Variants in TTC28 observed in about 807,000 individuals in gnomAD.
TTC28 encodes tetratricopeptide repeat protein 28.
In TTC28, 61 loss-of-function variants were observed where a neutral mutation model predicts 198.0. The ratio of observed to expected loss-of-function variants is 0.31; its 90% confidence interval spans 0.25 to 0.38. The LOEUF (loss-of-function observed/expected upper bound fraction) is 0.38, where lower values mean the gene tolerates loss of function less well. TTC28 is among the 10% of genes least tolerant of loss of function. The probability of loss-of-function intolerance (pLI) is 1.00; values close to 1 mark genes in which losing one functional copy is unlikely to be tolerated. For synonymous variants in TTC28, 1,171 were observed against 1,297.8 expected (o/e 0.90, Z 2.10); for missense variants, 2,678 against 3,164.0 (o/e 0.85, Z 3.69).
intron 2 of TTC28, among the ~76,000 whole-genome samples, chr22:28,453,088 TCCAGGTA>T (rs2047809694): frequency 6.6e-6 from 1 of 152,220 alleles, no homozygotes; most frequent in Admixed American, 6.5e-5. Context: ...ATGGATGAGA[TCCAGGTA>T]CCTGTTTTCC....
intron 2 of TTC28, among the ~76,000 whole-genome samples, chr22:28,565,917 A>C (rs2049959827): frequency 6.6e-6 from 1 of 152,234 alleles, no homozygotes; most frequent in South Asian, 2.1e-4. Context: ...GGAAAGTGGA[A>C]AGCTTACTCC....
chr22:28,478,171 C>G (rs1345955586), intron 2 of TTC28, among the ~76,000 whole-genome samples: 1 of 152,100 alleles, frequency 6.6e-6, no homozygotes, highest in African/African-American at 2.4e-5. Flanking sequence ...ATTAAAGAAC[C>G]ATTGTTGATT....
chr22:28,579,156 A>G (rs2050194686), intron 2 of TTC28, among the ~76,000 whole-genome samples: 2 of 137,142 alleles, frequency 1.5e-5, no homozygotes, highest in Non-Finnish European at 3.2e-5. Context: ...ATAGCTATAC[A>G]TACATACAGC....
chr22:28,350,499 A>AT (rs2045975433), intron 2 of TTC28, among the ~76,000 whole-genome samples: 2 of 152,238 alleles, frequency 1.3e-5, no homozygotes, highest in South Asian at 4.1e-4. Context: ...TTGATGGAAT[A>AT]TTTTTTGAGG....
chr22:28,001,721 G>C (rs7286215), intron 14 of TTC28, 168 bp from the exon 15 acceptor site: 1 of 709,728 alleles, frequency 1.4e-6, no homozygotes, highest in East Asian at 2.7e-5. Flanking sequence ...CTGCAGGAGC[G>C]GCACCAACTG....
chr22:27,992,199 T>G (rs1937439113), intron 19 of TTC28, among the ~76,000 whole-genome samples: 1 of 152,130 alleles, frequency 6.6e-6, no homozygotes, highest in African/African-American at 2.4e-5. Context: ...TCAGCACATA[T>G]GAGAACACTA....
intron 2 of TTC28, among the ~76,000 whole-genome samples, chr22:28,521,498 A>G (rs2048908464): frequency 6.6e-6 from 1 of 152,150 alleles, no homozygotes; most frequent in Non-Finnish European, 1.5e-5. Flanking sequence ...CAGAGAGGAG[A>G]AAACAAAAGA....
intron 1 of TTC28, among the ~76,000 whole-genome samples, chr22:28,678,033 G>T (rs1028582344): frequency 2.0e-5 from 3 of 151,944 alleles, no homozygotes; most frequent in Admixed American, 6.6e-5. Context: ...CACCTTTCTT[G>T]AATTAACAGT....
rs1181883682 is a variant in TTC28, at chr22:28,005,625, C to CG, written c.4219-4073dup. Among the ~76,000 whole-genome samples the CG allele has an allele frequency of 2.0e-5, 3 of 152,306 alleles. No homozygotes were observed. In the South Asian group the frequency reaches 6.2e-4, roughly 32 times the overall value. ...ACATCCAGAGGGGCCTGCCCAGCCACGGGCCCAGAGCGCTGTCCCGTTGCC... is the reference window on the plus strand; with the variant it reads ...ACATCCAGAGGGGCCTGCCCAGCCACGGGGCCCAGAGCGCTGTCCCGTTGCC... On this transcript the variant is annotated intron_variant, in intron 14 of 22. Coordinates refer to ENST00000397906, the MANE Select transcript of TTC28 (RefSeq NM_001145418.2). The surrounding 1 kb of genome is among the most constrained non-coding windows in gnomAD (Gnocchi z 4.9).
At chr22:28,612,867 A>G (rs2050841763) in intron 2 of TTC28, among the ~76,000 whole-genome samples, 1 of 152,250 alleles carries the variant, frequency 6.6e-6, no homozygotes, top group African/African-American at 2.4e-5. Context: ...CTAAATGCCC[A>G]TGAGAAAAAG....
intron 12 of TTC28, among the ~76,000 whole-genome samples, chr22:28,074,168 G>A (rs1238643726): frequency 6.6e-6 from 1 of 152,148 alleles, no homozygotes; most frequent in Non-Finnish European, 1.5e-5. Flanking sequence ...GAAGTCAAGA[G>A]TTACACATTA....
intron 2 of TTC28, among the ~76,000 whole-genome samples, chr22:28,387,201 C>T (rs1601727299): frequency 6.6e-6 from 1 of 152,184 alleles, no homozygotes; most frequent in African/African-American, 2.4e-5. Context: ...GCATAGTATT[C>T]CATGGTGTAC....
intron 12 of TTC28, among the ~76,000 whole-genome samples, chr22:28,060,447 T>C (rs1018332305): frequency 6.6e-6 from 1 of 152,224 alleles, no homozygotes; most frequent in Non-Finnish European, 1.5e-5. Context: ...TATGGCTGCA[T>C]AGTATTCCAT....
At chr22:28,340,474 A>G (rs929252371) in intron 2 of TTC28, among the ~76,000 whole-genome samples, 3 of 151,906 alleles carry the variant, frequency 2.0e-5, no homozygotes, top group Non-Finnish European at 4.4e-5. Flanking sequence ...AAAAAAAAAA[A>G]AAAGAAAAGA....
chr22:28,267,001 A>C (rs903359369), intron 5 of TTC28, among the ~76,000 whole-genome samples: 14 of 152,282 alleles, frequency 9.2e-5, no homozygotes, highest in African/African-American at 3.4e-4. Context: ...TTTAATACAG[A>C]GTTAAATATG....
At chr22:28,671,373 C>T (rs1202264819) in intron 1 of TTC28, among the ~76,000 whole-genome samples, 6 of 152,128 alleles carry the variant, frequency 3.9e-5, no homozygotes, top group South Asian at 4.2e-4. Flanking sequence ...CGGTGGCTCA[C>T]GCCTGTAATC....
Position 28,582,237 on chromosome 22 carries a change from G to T in TTC28, c.381+47315C>A. Among the ~76,000 whole-genome samples, 2 of 152,038 alleles carry T rather than the reference G, an allele frequency of 1.3e-5. 1 individual carries two copies. Among genetic ancestry groups the T allele is most frequent in the Middle Eastern group, 6.3e-3 (2 of 316 alleles). On this transcript the variant is annotated intron_variant, in intron 2 of 22. Transcript: ENST00000397906. Reference sequence around the variant, plus strand: ...CATTAAGGGGTGATAGGGAGAAGAAGATCCCAAAACGCAGAAGCAAAAATA... The same window carrying T: ...CATTAAGGGGTGATAGGGAGAAGAATATCCCAAAACGCAGAAGCAAAAATA...
intron 6 of TTC28, among the ~76,000 whole-genome samples, chr22:28,152,734 A>G (rs1301240303): frequency 6.6e-6 from 1 of 152,238 alleles, no homozygotes; most frequent in Non-Finnish European, 1.5e-5. Flanking sequence ...ACATCTGGTT[A>G]GTGTACTGAC....
intron 2 of TTC28, among the ~76,000 whole-genome samples, chr22:28,388,608 T>C (rs1427960091): frequency 2.6e-5 from 4 of 152,354 alleles, no homozygotes; most frequent in East Asian, 1.9e-4. Flanking sequence ...TTTGAAGCAA[T>C]TGTGAATGGG....
Sources: gnomAD v4.1 joint callset for allele counts (sites outside exome capture counted in the v4.1 genomes callset) on GRCh38, gnomAD v4.1.1 for gene constraint, Gnocchi (gnomAD v3.1) non-coding constraint, MANE v1.5 for transcripts, NCBI Gene and HGNC (gene_info 2026-07-23, HGNC 2026-07-21) for gene names.